TNRC6A: variants seen among roughly 807,000 people sequenced by gnomAD.
TNRC6A encodes trinucleotide repeat-containing gene 6A protein.
TNRC6A carries 44 observed loss-of-function variants against 221.2 expected under a neutral mutation model. The observed-to-expected ratio is 0.20, with a 90% CI of 0.16 to 0.26. TNRC6A has a LOEUF of 0.26. TNRC6A is among the 10% of genes least tolerant of loss of function. The pLI is 1.00. For synonymous variants in TNRC6A, 847 were observed against 838.5 expected, an observed-to-expected ratio of 1.01 and a Z score of -0.18; for missense variants, 2,199 against 2,404.4, an observed-to-expected ratio of 0.91 and a Z score of 1.79.
chr16:24,713,627 G>A (rs142127402), intron 2 of TNRC6A, among the ~76,000 whole-genome samples: 224 of 151,740 alleles, frequency 1.5e-3, no homozygotes, highest in Non-Finnish European at 1.1e-3. Flanking sequence ...CTTAATCATT[G>A]TTTTTATTTT....
intron 6 of TNRC6A, among the ~76,000 whole-genome samples, chr16:24,792,842 G>A (rs902766782): frequency 6.9e-6 from 1 of 145,778 alleles, no homozygotes; most frequent in Non-Finnish European, 1.5e-5. Context: ...AGGCTGAAGT[G>A]CAGTGGCATG....
intron 7 of TNRC6A, 65 bp downstream of exon 7, chr16:24,793,714 AAAT>A: frequency 8.9e-6 from 11 of 1,229,176 alleles, no homozygotes; most frequent in Non-Finnish European, 1.2e-5. Context: ...GACTATAATT[AAAT>A]AATTAGATAA....
chr16:24,714,030 T>C (rs1567380709), intron 2 of TNRC6A, among the ~76,000 whole-genome samples: 1 of 152,230 alleles, frequency 6.6e-6, no homozygotes, highest in Non-Finnish European at 1.5e-5. Context: ...TGTGTCTGTT[T>C]GGGGCTTGCT....
intron 8 of TNRC6A, among the ~76,000 whole-genome samples, chr16:24,795,077 C>T (rs1201602390): frequency 1.3e-5 from 2 of 152,172 alleles, no homozygotes; most frequent in Admixed American, 6.5e-5. Flanking sequence ...TTCATTTCCT[C>T]ACCTGGAGTC....
intron 2 of TNRC6A, among the ~76,000 whole-genome samples, chr16:24,641,654 T>C (rs1195197223): frequency 2.6e-5 from 4 of 152,194 alleles, no homozygotes; most frequent in Admixed American, 1.3e-4. Flanking sequence ...TAAAACAAAA[T>C]CTACCTTTGG....
intron 3 of TNRC6A, among the ~76,000 whole-genome samples, chr16:24,756,637 G>A (rs907091940): frequency 3.9e-5 from 6 of 152,120 alleles, no homozygotes; most frequent in African/African-American, 1.4e-4. Context: ...AGGCCTAAAA[G>A]AGCAACATGG....
chr16:24,730,977 A>T (rs1244660891), intron 2 of TNRC6A, among the ~76,000 whole-genome samples: 2 of 145,404 alleles, frequency 1.4e-5, no homozygotes, highest in East Asian at 2.0e-4. Context: ...TGAAGGGAGA[A>T]TTTTTTTTTT....
chr16:24,778,641 A>T (rs750010534), intron 5 of TNRC6A, among the ~76,000 whole-genome samples: 9 of 152,138 alleles, frequency 5.9e-5, no homozygotes, highest in Non-Finnish European at 1.0e-4. Context: ...CAACCCTATA[A>T]GGCTGCTGTG....
chr16:24,691,659 T>A (rs886587577), intron 2 of TNRC6A, among the ~76,000 whole-genome samples: 7 of 152,064 alleles, frequency 4.6e-5, no homozygotes, highest in Admixed American at 2.6e-4. Flanking sequence ...TCCCAGCTGC[T>A]CAGGAGGCTG....
intron 2 of TNRC6A, among the ~76,000 whole-genome samples, chr16:24,714,750 C>T (rs13336226): frequency 0.77 from 117,672 of 152,136 alleles, 46,208 homozygotes; most frequent in African/African-American, 0.9. Context: ...TAATAACTGT[C>T]TTGATGTCCT....
At position 24,712,907 on chromosome 16, in the gene TNRC6A, C is replaced by CTGTGTGTGTGTGTGTATGTG. The variant is rs1252970472; in HGVS notation, n.403-37804_403-37803insATGTGTGTGTGTGTGTGTGT. ...AATTTGGGGCCATAGTTATGTGCCACTGTGTGTGTGTGTGTGTGTGTGTGT... is the reference window on the plus strand; with the variant it reads ...AATTTGGGGCCATAGTTATGTGCCACTGTGTGTGTGTGTGTATGTGTGTGTGTGTGTGTGTGTGTGTGTGT... On this transcript the variant is annotated intron_variant and non_coding_transcript_variant, in intron 2 of 2. Transcript: ENST00000566108. Among the ~76,000 whole-genome samples the CTGTGTGTGTGTGTGTATGTG allele has an allele frequency of 5.0e-4, 64 of 126,772 alleles. No individual in the cohort carries two copies. The South Asian group carries it at 0.011, about 21-fold the overall frequency. The allele number at this position is 126,772 out of a possible 152,430, so 83.2% of individuals were successfully genotyped here. A position where few individuals can be genotyped will look rare whatever the true frequency, so the allele number is the denominator to read the frequency against.
At chr16:24,622,479 T>C (rs2141607115) in intron 1 of TNRC6A, among the ~76,000 whole-genome samples, 1 of 151,960 alleles carries the variant, frequency 6.6e-6, no homozygotes, top group African/African-American at 2.4e-5. Flanking sequence ...TGCGTGCCTG[T>C]AATCCCTGGG....
chr16:24,662,410 GGAGGCT>G (rs1195484571), intron 2 of TNRC6A: 4 of 152,028 alleles, frequency 2.6e-5, no homozygotes, highest in Non-Finnish European at 5.9e-5. Flanking sequence ...CTTGAGCGTG[GGAGGCT>G]GAGGCTGCAG....
rs1286417755 is a variant in TNRC6A, at chr16:24,823,588, A to C, written c.5670A>C (p.Ser1890=). The change falls in exon 25 of 25, where the codon TCA becomes TCC. Residue 1890 remains serine, a synonymous_variant. Transcript: ENST00000395799. This position sits in a 1 kb window ranked among gnomAD's most constrained non-coding sequence, Gnocchi z 4.3. ...SRLGSLDCSH[S]FSSRTDLNHW... The stretch of plus-strand genomic sequence containing the variant: ...TGGGCTCCCTCGACTGTTCCCACTC[A>C]TTCTCCAGCCGGACCGATCTCAATC... 1 of 1,613,962 alleles carries C rather than the reference A, an allele frequency of 6.2e-7. No homozygotes were observed. The highest frequency in any genetic ancestry group is 2.2e-5 in the East Asian group (1 of 44,886).
At chr16:24,659,592 A>G (rs2054986751) in intron 2 of TNRC6A, among the ~76,000 whole-genome samples, 1 of 152,014 alleles carries the variant, frequency 6.6e-6, no homozygotes, top group Admixed American at 6.6e-5. Context: ...ACAGGTGTGC[A>G]CCACTATGCC....
intron 2 of TNRC6A, among the ~76,000 whole-genome samples, chr16:24,657,117 G>A (rs534386768): frequency 6.6e-6 from 1 of 150,802 alleles, no homozygotes; most frequent in Non-Finnish European, 1.5e-5. Flanking sequence ...GTTGGAGAAC[G>A]GCCTGGGAGA....
At chr16:24,616,545 C>G (rs772119771) in intron 1 of TNRC6A, among the ~76,000 whole-genome samples, 2 of 152,024 alleles carry the variant, frequency 1.3e-5, no homozygotes, top group East Asian at 3.8e-4. Context: ...AGAAAATATA[C>G]TCTATATGTT....
At position 24,805,579 on chromosome 16, in the gene TNRC6A, C is replaced by A. The variant is rs773688870; in HGVS notation, c.4123-26C>A. The A allele has an allele frequency of 1.9e-6, 3 of 1,613,014 alleles. No homozygotes were observed. The South Asian group carries it at 3.3e-5, about 18-fold the overall frequency. ...TTAGTGTGAGTTATTTTATCAAGAT[C>A]ATTAACTTACCATTGTGATCCTAAG... On this transcript the variant is annotated intron_variant, in intron 14 of 24. Transcript: ENST00000395799.
At chr16:24,625,028 A>G (rs1900884385) in intron 1 of TNRC6A, among the ~76,000 whole-genome samples, 1 of 152,206 alleles carries the variant, frequency 6.6e-6, no homozygotes, top group African/African-American at 2.4e-5. Flanking sequence ...ATAAGGCCAT[A>G]AAAGACCAGA....
Sources: allele counts gnomAD v4.1 joint callset (sites outside exome capture counted in the v4.1 genomes callset), GRCh38; gene constraint gnomAD v4.1.1; non-coding constraint Gnocchi (gnomAD v3.1); transcripts MANE v1.5; gene names NCBI Gene and HGNC (gene_info 2026-07-23, HGNC 2026-07-21).